EBF3: variants seen among roughly 807,000 people sequenced by gnomAD.
The protein encoded by EBF3 is transcription factor COE3.
Under a neutral mutation model 77.1 loss-of-function variants are expected in EBF3, and 18 were observed. The ratio of observed to expected loss-of-function variants is 0.23; its 90% CI spans 0.16 to 0.35. EBF3 has a LOEUF of 0.35. Ranked by LOEUF, EBF3 falls within the 10% of genes least tolerant of loss-of-function variation. The pLI is 1.00. For synonymous variants in EBF3, 350 were observed against 343.5 expected (o/e 1.02, Z -0.21); for missense variants, 558 against 860.0 (o/e 0.65, Z 4.39).
At chr10:129,936,964 G>A (rs187194605) in intron 6 of EBF3, among the ~76,000 whole-genome samples, 3 of 152,314 alleles carry the variant, frequency 2.0e-5, no homozygotes, top group Admixed American at 1.3e-4. Flanking sequence ...TGGGCTCCAC[G>A]GATCGGACGT....
At chr10:129,955,701 A>C (rs1395553007) in intron 6 of EBF3, among the ~76,000 whole-genome samples, 2 of 152,238 alleles carry the variant, frequency 1.3e-5, no homozygotes, top group Non-Finnish European at 2.9e-5. Context: ...AGCATCCAAA[A>C]TGTGAGCCAA....
Position 129,840,301 on chromosome 10 carries a change from C to T in EBF3, c.1703G>A (p.Arg568Gln). 6.3e-7 allele frequency: 1 copy of T among 1,594,724 alleles called. No homozygotes were observed. The highest frequency in any genetic ancestry group is 8.5e-7 in the Non-Finnish European group (1 of 1,170,772). The change falls in exon 15 of 17, where the codon CGG becomes CAG. Residue 568 changes from arginine (R) to glutamine (Q), a missense_variant. Around this residue, in one of 5 missense-constraint regions of EBF3, gnomAD observed 284 missense variants for 368.3 expected, o/e 0.77. Coordinates refer to ENST00000440978, the MANE Select transcript of EBF3 (RefSeq NM_001375380.1). ...GGAAGGAGGAGGAGAGGCTTGGGGC[C>T]GGACCACGGGCGCGAAGGCGCTCTT... ...KQKSAFAPVV[R>Q]PQASPPPSCT...
chr10:129,836,538 TTGTTCAGATAA>T lies in EBF3; in HGVS notation c.*1394_*1404del, dbSNP rs1235956340. On this transcript the variant is annotated 3_prime_UTR_variant, in exon 17 of 17. Coordinates refer to ENST00000440978, the MANE Select transcript of EBF3 (RefSeq NM_001375380.1). ...CAACAAACTTTTTTTTCAAAAGTAT[TTGTTCAGATAA>T]CTTAAAAATAATATAAAAATAAACA... The T allele has an allele frequency of 6.6e-6, 1 of 152,590 alleles. No individual in the cohort carries two copies. Among genetic ancestry groups the T allele is most frequent in the Non-Finnish European group, 1.5e-5 (1 of 68,044 alleles). The allele number at this position is 152,590 out of a possible 1,614,324, so 9.5% of individuals were successfully genotyped here. A position where few individuals can be genotyped will look rare whatever the true frequency, so the allele number is the denominator to read the frequency against.
chr10:129,841,522 C>T lies in EBF3; in HGVS notation c.1373-490G>A, dbSNP rs1850053819. Among the ~76,000 whole-genome samples, 1 of 152,140 alleles carries T rather than the reference C, an allele frequency of 6.6e-6. No individual in the cohort carries two copies. Among genetic ancestry groups the T allele is most frequent in the Non-Finnish European group, 1.5e-5 (1 of 68,036 alleles). ...GGAAGCTTCATTCCTGCCATGGGAG[C>T]TTGTGGATGGACGGGAACAAAATCA... On this transcript the variant is annotated intron_variant, in intron 13 of 16. Transcript: ENST00000440978. The surrounding 1 kb of genome is among the most constrained non-coding windows in gnomAD (Gnocchi z 4.6).
chr10:129,913,754 G>A (rs547853849), intron 6 of EBF3, among the ~76,000 whole-genome samples: 1 of 152,350 alleles, frequency 6.6e-6, no homozygotes, highest in South Asian at 2.1e-4. Context: ...GTGGGAGGGG[G>A]TGGCACCCAC....
At chr10:129,933,302 C>T (rs1445791145) in intron 6 of EBF3, among the ~76,000 whole-genome samples, 3 of 152,204 alleles carry the variant, frequency 2.0e-5, no homozygotes, top group African/African-American at 7.2e-5. Context: ...ATAATAACTG[C>T]TGCGAATTAT....
intron 6 of EBF3, among the ~76,000 whole-genome samples, chr10:129,921,986 G>A (rs1221364307): frequency 6.6e-6 from 1 of 152,186 alleles, no homozygotes; most frequent in Non-Finnish European, 1.5e-5. Context: ...ACGGACATGA[G>A]GGCAGAACCG....
At chr10:129,900,623 G>A (rs533715241) in intron 6 of EBF3, among the ~76,000 whole-genome samples, 16 of 152,376 alleles carry the variant, frequency 1.1e-4, no homozygotes, top group Admixed American at 5.9e-4. Flanking sequence ...TCCTCACTTT[G>A]AGGAAATTTA....
chr10:129,899,067 TCTC>T (rs1854598855), intron 6 of EBF3, among the ~76,000 whole-genome samples: 1 of 152,216 alleles, frequency 6.6e-6, no homozygotes, highest in Non-Finnish European at 1.5e-5. Context: ...TCTGTCACTG[TCTC>T]CTCCTGCCTC....
chr10:129,857,872 G>A (rs1373563900), intron 10 of EBF3, among the ~76,000 whole-genome samples: 1 of 152,176 alleles, frequency 6.6e-6, no homozygotes, highest in Non-Finnish European at 1.5e-5. Flanking sequence ...GGGAGCCAGG[G>A]GCAGATTCCA....
At chr10:129,942,214 A>G (rs1012583681) in intron 6 of EBF3, among the ~76,000 whole-genome samples, 1 of 152,208 alleles carries the variant, frequency 6.6e-6, no homozygotes, top group Non-Finnish European at 1.5e-5. Flanking sequence ...TTGAAAGATC[A>G]TCGCAGCTTT....
At chr10:129,853,084 G>C (rs917367204) in intron 10 of EBF3, among the ~76,000 whole-genome samples, 3 of 152,210 alleles carry the variant, frequency 2.0e-5, no homozygotes, top group Non-Finnish European at 4.4e-5. Context: ...CTGCCCGGGA[G>C]AGCTGGAGAC....
intron 11 of EBF3, among the ~76,000 whole-genome samples, chr10:129,844,325 G>GTGGC (rs1850301592): frequency 6.6e-6 from 1 of 152,202 alleles, no homozygotes; most frequent in South Asian, 2.1e-4. Context: ...AGTAAGGCAG[G>GTGGC]TGGCCTTCGC....
intron 10 of EBF3, among the ~76,000 whole-genome samples, chr10:129,851,140 T>G (rs1017585603): frequency 2.6e-5 from 4 of 152,250 alleles, no homozygotes; most frequent in Admixed American, 6.5e-5. Context: ...TGCCTGATTT[T>G]GGGTAAACAT....
At chr10:129,849,314 C>G (rs1380637958) in intron 10 of EBF3, among the ~76,000 whole-genome samples, 1 of 152,236 alleles carries the variant, frequency 6.6e-6, no homozygotes, top group Non-Finnish European at 1.5e-5. Context: ...GAGTACATTA[C>G]TTCTTGATGT....
At chr10:129,937,497 C>T (rs1857442736) in intron 6 of EBF3, among the ~76,000 whole-genome samples, 2 of 152,156 alleles carry the variant, frequency 1.3e-5, no homozygotes, top group South Asian at 4.1e-4. Flanking sequence ...CTGCCCCAAG[C>T]CCACACAACC....
intron 6 of EBF3, among the ~76,000 whole-genome samples, chr10:129,882,733 C>T (rs1460525111): frequency 1.3e-5 from 2 of 152,258 alleles, no homozygotes; most frequent in East Asian, 3.8e-4. Flanking sequence ...CTTCATCTGA[C>T]ACCATCCCTA....
chr10:129,844,085 G>C (rs760113661), intron 11 of EBF3, among the ~76,000 whole-genome samples: 2 of 152,178 alleles, frequency 1.3e-5, no homozygotes, highest in East Asian at 3.9e-4. Flanking sequence ...ATGGAAGACG[G>C]GCAGAGAGTT....
chr10:129,937,278 C>A (rs1026590674), intron 6 of EBF3, among the ~76,000 whole-genome samples: 1 of 151,946 alleles, frequency 6.6e-6, no homozygotes, highest in Non-Finnish European at 1.5e-5. Flanking sequence ...GAGCAGAGGG[C>A]AGGATGATTT....
Sources: gnomAD v4.1 joint callset for allele counts (sites outside exome capture counted in the v4.1 genomes callset) on GRCh38, gnomAD v4.1.1 for gene constraint, gnomAD v4.1.1 regional missense constraint, Gnocchi (gnomAD v3.1) non-coding constraint, MANE v1.5 for transcripts, NCBI Gene and HGNC (gene_info 2026-07-23, HGNC 2026-07-21) for gene names.